Variants in KCNB2 observed in about 807,000 individuals in gnomAD.
KCNB2 encodes the protein delayed rectifier potassium channel protein.
In KCNB2, 15 loss-of-function variants were observed where a neutral mutation model predicts 61.5. The ratio of observed to expected loss-of-function variants is 0.24; its 90% CI spans 0.16 to 0.38. The LOEUF is 0.38. KCNB2 is among the 10% of genes least tolerant of loss of function. The pLI, the probability that KCNB2 is intolerant of heterozygous loss-of-function variation, is 1.00. For synonymous variants in KCNB2, 457 were observed against 446.0 expected (o/e 1.02, Z -0.31); for missense variants, 828 against 1,125.2 (o/e 0.74, Z 3.78).
intron 2 of KCNB2, among the ~76,000 whole-genome samples, chr8:72,648,044 GCC>G (rs1806157864): frequency 6.6e-6 from 1 of 152,110 alleles, no homozygotes; most frequent in Non-Finnish European, 1.5e-5. Context: ...TCTTTTTACA[GCC>G]TTGAACTTTT....
At chr8:72,872,906 G>A (rs1244504026) in intron 2 of KCNB2, among the ~76,000 whole-genome samples, 1 of 152,130 alleles carries the variant, frequency 6.6e-6, no homozygotes, top group African/African-American at 2.4e-5. Flanking sequence ...CTCAAAGAAC[G>A]GTGTCTCCCC....
intron 2 of KCNB2, among the ~76,000 whole-genome samples, chr8:72,814,544 A>C (rs1163333190): frequency 6.6e-6 from 1 of 152,196 alleles, no homozygotes; most frequent in Non-Finnish European, 1.5e-5. Flanking sequence ...GCAATCCACA[A>C]ATGAAAGTTA....
chr8:72,819,024 A>C (rs2129000941), intron 2 of KCNB2, among the ~76,000 whole-genome samples: 1 of 152,282 alleles, frequency 6.6e-6, no homozygotes, highest in Non-Finnish European at 1.5e-5. Context: ...AAAACCTAGA[A>C]CTGAGAAAGT....
At chr8:72,852,733 T>C (rs1280721234) in intron 2 of KCNB2, among the ~76,000 whole-genome samples, 1 of 112,402 alleles carries the variant, frequency 8.9e-6, no homozygotes, top group Non-Finnish European at 2.0e-5. Context: ...TGTGTAACAG[T>C]GAGCAAGTAC....
chr8:72,896,944 T>C (rs987357423), intron 2 of KCNB2, among the ~76,000 whole-genome samples: 21 of 152,114 alleles, frequency 1.4e-4, no homozygotes, highest in Admixed American at 6.6e-5. Context: ...TTGCTTTTTG[T>C]TGTTGTTGTT....
At chr8:72,541,801 C>T (rs1585741470) in intron 1 of KCNB2, among the ~76,000 whole-genome samples, 1 of 152,044 alleles carries the variant, frequency 6.6e-6, no homozygotes. Flanking sequence ...TGCAGATGAT[C>T]TCATTGGTCA....
At chr8:72,650,038 A>G (rs1287618427) in intron 2 of KCNB2, among the ~76,000 whole-genome samples, 2 of 152,176 alleles carry the variant, frequency 1.3e-5, no homozygotes, top group African/African-American at 2.4e-5. Context: ...TCATGTCACT[A>G]TGGATCATAA....
At chr8:72,659,003 T>C (rs1262328921) in intron 2 of KCNB2, among the ~76,000 whole-genome samples, 1 of 152,202 alleles carries the variant, frequency 6.6e-6, no homozygotes, top group East Asian at 1.9e-4. Flanking sequence ...CATCATTCAA[T>C]TTTCAGCCCA....
chr8:72,710,203 A>G (rs1807302855), intron 2 of KCNB2, among the ~76,000 whole-genome samples: 1 of 152,196 alleles, frequency 6.6e-6, no homozygotes, highest in Non-Finnish European at 1.5e-5. Context: ...TTTAAATTTT[A>G]TAAGGGCTTC....
intron 2 of KCNB2, among the ~76,000 whole-genome samples, chr8:72,604,416 C>T (rs1486228173): frequency 6.6e-6 from 1 of 152,104 alleles, no homozygotes; most frequent in Non-Finnish European, 1.5e-5. Flanking sequence ...ACCTTGAGAT[C>T]AAGTTTGGGA....
At chr8:72,911,280 G>T (rs150406369) in intron 2 of KCNB2, among the ~76,000 whole-genome samples, 6 of 152,324 alleles carry the variant, frequency 3.9e-5, no homozygotes, top group African/African-American at 1.4e-4. Flanking sequence ...AGAACACACA[G>T]ATTTGGGATT....
At chr8:72,587,499 G>A (rs1030534071) in intron 2 of KCNB2, among the ~76,000 whole-genome samples, 1 of 152,216 alleles carries the variant, frequency 6.6e-6, no homozygotes, top group African/African-American at 2.4e-5. Context: ...CAAGGCAGGA[G>A]CATCAATCTT....
intron 2 of KCNB2, among the ~76,000 whole-genome samples, chr8:72,694,764 T>C (rs995375478): frequency 4.6e-5 from 7 of 151,976 alleles, no homozygotes; most frequent in Admixed American, 1.3e-4. Flanking sequence ...TTAGAGCATC[T>C]GTATGGCCAT....
At chr8:72,756,206 AC>A (rs1404943596) in intron 2 of KCNB2, among the ~76,000 whole-genome samples, 1 of 152,150 alleles carries the variant, frequency 6.6e-6, no homozygotes, top group Non-Finnish European at 1.5e-5. Context: ...GCCCTGTGAC[AC>A]CACACAGGCT....
At chr8:72,719,125 G>C (rs1356879138) in intron 2 of KCNB2, among the ~76,000 whole-genome samples, 1 of 151,830 alleles carries the variant, frequency 6.6e-6, no homozygotes, top group Admixed American at 6.6e-5. Flanking sequence ...GTTTTTGCTG[G>C]TAAGTTAGAC....
chr8:72,589,817 CAT>C (rs1807064840), intron 2 of KCNB2, among the ~76,000 whole-genome samples: 1 of 152,198 alleles, frequency 6.6e-6, no homozygotes, highest in African/African-American at 2.4e-5. Flanking sequence ...TCACTAATAA[CAT>C]ACATCTGCAG....
intron 2 of KCNB2, among the ~76,000 whole-genome samples, chr8:72,746,644 T>C (rs938706229): frequency 2.0e-5 from 3 of 152,134 alleles, no homozygotes; most frequent in Non-Finnish European, 2.9e-5. Context: ...CTTCCCGACA[T>C]GTGTGACAGC....
intron 2 of KCNB2, among the ~76,000 whole-genome samples, chr8:72,812,831 T>G (rs1304818167): frequency 1.6e-4 from 24 of 152,204 alleles, no homozygotes. Context: ...CATAAGTTCT[T>G]TGAGGCTGTA....
At chr8:72,668,205 A>G (rs1256801461) in intron 2 of KCNB2, among the ~76,000 whole-genome samples, 2 of 152,236 alleles carry the variant, frequency 1.3e-5, no homozygotes, top group East Asian at 3.8e-4. Context: ...ACTGACAACC[A>G]GGGAAGCTGC....
Sources: gnomAD v4.1 joint callset for allele counts (sites outside exome capture counted in the v4.1 genomes callset) on GRCh38, gnomAD v4.1.1 for gene constraint, MANE v1.5 for transcripts, NCBI Gene and HGNC (gene_info 2026-07-23, HGNC 2026-07-21) for gene names.